The following TMEM200A variants were observed in gnomAD, a reference collection of about 807,000 sequenced individuals.
TMEM200A encodes the protein transmembrane protein 200A.
TMEM200A carries 12 observed loss-of-function variants against 24.3 expected under a neutral mutation model. The observed-to-expected ratio is 0.49, with a 90% CI of 0.32 to 0.80. TMEM200A has a LOEUF of 0.80. TMEM200A is among the 30% of genes least tolerant of loss of function. TMEM200A has a pLI of 0.04. For synonymous variants in TMEM200A, 224 were observed against 224.4 expected (o/e 1.00, Z 0.02); for missense variants, 545 against 614.4 (o/e 0.89, Z 1.19).
At chr6:130,421,860 G>C (rs954916623) in intron 2 of TMEM200A, among the ~76,000 whole-genome samples, 5 of 152,018 alleles carry the variant, frequency 3.3e-5, no homozygotes, top group African/African-American at 1.2e-4. Flanking sequence ...CAAATGGGAG[G>C]CTTGCTTTCT....
At chr6:130,370,814 C>G (rs540504250) in intron 1 of TMEM200A, among the ~76,000 whole-genome samples, 3 of 152,216 alleles carry the variant, frequency 2.0e-5, no homozygotes, top group African/African-American at 4.8e-5. Context: ...GATTTTGTTT[C>G]CAAAAGCCCT....
intron 2 of TMEM200A, chr6:130,438,526 G>A (rs1387851159): frequency 6.6e-6 from 1 of 152,134 alleles, no homozygotes; most frequent in Non-Finnish European, 1.5e-5. Flanking sequence ...AATCAAGATA[G>A]ATATTTTACC....
Position 130,442,163 on chromosome 6 carries a change from C to A in TMEM200A, c.*265C>A. ...TAATATGAATGCAAAATGCTTGCAT[C>A]CAAATTAAAGCTTATTTTCTTTACT... On this transcript the variant is annotated 3_prime_UTR_variant, in exon 3 of 3. Coordinates refer to ENST00000296978, the MANE Select transcript of TMEM200A (RefSeq NM_001258277.2). 1 of 321,078 alleles carries A rather than the reference C, an allele frequency of 3.1e-6. No homozygotes were observed. 19.9% of individuals were successfully genotyped at this position (321,078 alleles called of 1,614,324 possible).
At chr6:130,416,529 C>A in intron 2 of TMEM200A, among the ~76,000 whole-genome samples, 1 of 152,138 alleles carries the variant, frequency 6.6e-6, no homozygotes, top group Admixed American at 6.6e-5. Context: ...GATAGCTGCT[C>A]ATCTTTACTG....
At chr6:130,413,148 G>T (rs1210050894) in intron 2 of TMEM200A, among the ~76,000 whole-genome samples, 1 of 152,126 alleles carries the variant, frequency 6.6e-6, no homozygotes, top group Non-Finnish European at 1.5e-5. Context: ...AAAGTGTAAG[G>T]TTGCTCTCAT....
At chr6:130,369,900 A>G (rs567889815) in intron 1 of TMEM200A, among the ~76,000 whole-genome samples, 1 of 152,268 alleles carries the variant, frequency 6.6e-6, no homozygotes, top group East Asian at 1.9e-4. Flanking sequence ...TCTGCTTACC[A>G]CCCAACTGTG....
At position 130,416,400 on chromosome 6, in the gene TMEM200A, C is replaced by T. The variant is rs192982125; in HGVS notation, c.-16-24007C>T. Among the ~76,000 whole-genome samples the T allele has an allele frequency of 1.3e-3, 202 of 152,140 alleles. 1 individual carries two copies. The highest frequency in any genetic ancestry group is 4.6e-3 in the African/African-American group (193 of 41,528). On this transcript the variant is annotated intron_variant, in intron 2 of 2. Coordinates refer to ENST00000296978, the MANE Select transcript of TMEM200A (RefSeq NM_001258277.2). The stretch of plus-strand genomic sequence containing the variant: ...CAGCAAGTCTCTAGGAATGTAAGAA[C>T]CAATAACATATTCAAAACTAAACTC...
In TMEM200A at chr6:130,440,514, C is replaced by T; in HGVS notation, c.92C>T (p.Ser31Phe). 6.2e-7 allele frequency: 1 copy of T among 1,614,068 alleles called. No individual in the cohort carries two copies. Among genetic ancestry groups the T allele is most frequent in the African/African-American group, 1.3e-5 (1 of 75,050 alleles). ...RSQQHVNLSP[S>F]PATQEKKPIR... ...CAGCAGCATGTCAACCTCAGCCCGT[C>T]TCCTGCTACCCAAGAGAAGAAGCCC... is the stretch of plus-strand genomic sequence containing the variant. The change falls in exon 3 of 3, where the codon TCT (serine) becomes TTT (phenylalanine). Residue 31 changes from serine (S) to phenylalanine (F), a missense_variant. Coordinates refer to ENST00000296978, the MANE Select transcript of TMEM200A (RefSeq NM_001258277.2).
intron 2 of TMEM200A, among the ~76,000 whole-genome samples, chr6:130,420,798 A>G (rs1779564084): frequency 6.6e-6 from 1 of 152,104 alleles, no homozygotes; most frequent in Non-Finnish European, 1.5e-5. Flanking sequence ...GGGAGAGCAC[A>G]AGGGGACGTT....
At chr6:130,402,611 G>C (rs1449145382) in intron 2 of TMEM200A, among the ~76,000 whole-genome samples, 1 of 151,854 alleles carries the variant, frequency 6.6e-6, no homozygotes, top group Admixed American at 6.6e-5. Context: ...TCATAGCCAA[G>C]ACTTTTCTTT....
chr6:130,375,426 T>C (rs2115075291), intron 1 of TMEM200A, among the ~76,000 whole-genome samples: 1 of 152,334 alleles, frequency 6.6e-6, no homozygotes, highest in African/African-American at 2.4e-5. Context: ...AAGGATTCAT[T>C]AAATATTTGT....
At chr6:130,420,817 G>T (rs912142309) in intron 2 of TMEM200A, among the ~76,000 whole-genome samples, 1 of 152,080 alleles carries the variant, frequency 6.6e-6, no homozygotes, top group Admixed American at 6.5e-5. Flanking sequence ...TTTTCTCAGT[G>T]CAGGGCCCGC....
intron 2 of TMEM200A, among the ~76,000 whole-genome samples, chr6:130,385,752 G>A (rs1489279717): frequency 6.6e-6 from 1 of 152,138 alleles, no homozygotes; most frequent in Non-Finnish European, 1.5e-5. Flanking sequence ...AAACTTCTAA[G>A]AGTCTGAGCA....
intron 2 of TMEM200A, among the ~76,000 whole-genome samples, chr6:130,419,197 C>T (rs1321076626): frequency 6.6e-6 from 1 of 152,128 alleles, no homozygotes; most frequent in Non-Finnish European, 1.5e-5. Flanking sequence ...AGACTTATTT[C>T]GCTTAACATA....
intron 1 of TMEM200A, among the ~76,000 whole-genome samples, chr6:130,381,673 CA>C (rs1778598992): frequency 6.6e-6 from 1 of 152,200 alleles, no homozygotes; most frequent in African/African-American, 2.4e-5. Context: ...GCCATACAGA[CA>C]GGATGATATT....
At chr6:130,417,202 A>G (rs1410047467) in intron 2 of TMEM200A, among the ~76,000 whole-genome samples, 1 of 152,204 alleles carries the variant, frequency 6.6e-6, no homozygotes, top group African/African-American at 2.4e-5. Context: ...TGATTGACAC[A>G]TAGTAGATGC....
rs773504597 is a variant in TMEM200A at position 130,441,468 on chromosome 6, A to G, written c.1046A>G (p.Asn349Ser). ...QPVSTVLPRN[N>S]SIGESLSSQY... ...GTCAGCACAGTGCTACCAAGGAATA[A>G]TTCCATTGGGGAGTCGTTGTCGAGT... Residue 349 changes from asparagine to serine, a missense_variant, in exon 3 of 3, where the codon AAT becomes AGT. By Grantham distance (46) the Asn-to-Ser change is conservative. Transcript: ENST00000296978. The G allele has an allele frequency of 2.7e-5, 43 of 1,614,070 alleles. No homozygotes were observed. The Middle Eastern group carries it at 1.3e-3, about 50-fold the overall frequency.
chr6:130,416,758 A>G (rs976036696), intron 2 of TMEM200A, among the ~76,000 whole-genome samples: 7 of 152,116 alleles, frequency 4.6e-5, no homozygotes, highest in African/African-American at 1.7e-4. Context: ...ATCCTCTTCT[A>G]TCTCTGCTAG....
At chr6:130,372,167 A>C (rs1411223984) in intron 1 of TMEM200A, among the ~76,000 whole-genome samples, 2 of 152,174 alleles carry the variant, frequency 1.3e-5, no homozygotes, top group African/African-American at 4.8e-5. Flanking sequence ...TCAGGGAGTC[A>C]TCCTGGTGCT....
Sources: allele counts gnomAD v4.1 joint callset (sites outside exome capture counted in the v4.1 genomes callset), GRCh38; gene constraint gnomAD v4.1.1; transcripts MANE v1.5; gene names NCBI Gene and HGNC (gene_info 2026-07-23, HGNC 2026-07-21).